Variants in LRP2 observed in about 807,000 individuals in gnomAD.
LRP2 encodes the protein LDL receptor related protein 2.
In LRP2, 172 loss-of-function variants were observed where a neutral mutation model predicts 531.0. The observed-to-expected ratio is 0.32, with a 90% CI of 0.29 to 0.37. The LOEUF is 0.37. LRP2 is among the 10% of genes least tolerant of loss of function. The probability of loss-of-function intolerance (pLI) is 1.00; values close to 1 mark genes in which losing one functional copy is unlikely to be tolerated. For missense variants in LRP2, 5,167 were observed against 5,868.3 expected (o/e 0.88, Z 3.90); for synonymous variants, 1,992 against 2,027.6 (o/e 0.98, Z 0.47).
chr2:169,170,216 A>G (rs940295083), intron 59 of LRP2, among the ~76,000 whole-genome samples: 4 of 152,198 alleles, frequency 2.6e-5, no homozygotes, highest in Non-Finnish European at 5.9e-5. Flanking sequence ...GCACATGCAT[A>G]TTCCTTAGGG....
chr2:169,351,408 A>G (rs1685844327), intron 1 of LRP2, among the ~76,000 whole-genome samples: 2 of 152,344 alleles, frequency 1.3e-5, no homozygotes, highest in East Asian at 1.9e-4. Flanking sequence ...TAAAAGAAAG[A>G]GGGGACAATT....
chr2:169,198,051 A>T (rs914189597), intron 45 of LRP2, among the ~76,000 whole-genome samples: 9 of 152,238 alleles, frequency 5.9e-5, no homozygotes, highest in African/African-American at 2.2e-4. Flanking sequence ...AATTGTTTGA[A>T]TGAACCAAAT....
At chr2:169,143,267 T>C (rs929017395) in intron 70 of LRP2, among the ~76,000 whole-genome samples, 1 of 152,198 alleles carries the variant, frequency 6.6e-6, no homozygotes, top group Non-Finnish European at 1.5e-5. Context: ...GAGACATTTC[T>C]TCTGGGTTTC....
intron 1 of LRP2, among the ~76,000 whole-genome samples, chr2:169,340,598 A>G (rs1685536421): frequency 6.6e-6 from 1 of 152,158 alleles, no homozygotes; most frequent in African/African-American, 2.4e-5. Flanking sequence ...CCTGGCATAG[A>G]GAAAGGATGG....
chr2:169,258,821 A>G (rs1690416694), intron 17 of LRP2, among the ~76,000 whole-genome samples: 2 of 152,118 alleles, frequency 1.3e-5, no homozygotes, highest in Admixed American at 1.3e-4. Flanking sequence ...GTTAGAAGAA[A>G]TGTTTTGGGT....
At chr2:169,180,946 C>T (rs1189831331) in intron 52 of LRP2, among the ~76,000 whole-genome samples, 3 of 152,078 alleles carry the variant, frequency 2.0e-5, no homozygotes, top group Non-Finnish European at 4.4e-5. Context: ...GATGTAAATG[C>T]CTTATCATAT....
chr2:169,174,774 T>A (rs549641653), intron 55 of LRP2, among the ~76,000 whole-genome samples: 1 of 150,810 alleles, frequency 6.6e-6, no homozygotes, highest in East Asian at 1.9e-4. Flanking sequence ...CCTCCCAAAC[T>A]GTTGGGATTA....
At chr2:169,207,768 T>C (rs1033311213) in intron 38 of LRP2, among the ~76,000 whole-genome samples, 1 of 152,238 alleles carries the variant, frequency 6.6e-6, no homozygotes, top group Non-Finnish European at 1.5e-5. Flanking sequence ...GGTGTTTTCA[T>C]CCCATGGACC....
In LRP2 at chr2:169,270,968, G is replaced by T; in HGVS notation, c.2256C>A (p.Asp752Glu). ...ACATATCTGAAAAAAAGATAGTGCTGTCCTGGGCGTCAAAATCAATCCCGA... is the reference window on the plus strand; with the variant it reads ...ACATATCTGAAAAAAAGATAGTGCTTTCCTGGGCGTCAAAATCAATCCCGA... ...FFVGIDFDAQ[D>E]STIFFSDMSK... Residue 752 changes from aspartate (D) to glutamate (E), a missense_variant, in exon 16 of 79, where the codon GAC becomes GAA. By Grantham distance (45) the Asp-to-Glu change is conservative. This residue lies in a region of LRP2 where 2,811 missense variants were observed against 3,058.0 expected (regional missense o/e 0.92). Coordinates refer to ENST00000649046, the MANE Select transcript of LRP2 (RefSeq NM_004525.3). The T allele has an allele frequency of 6.2e-7, 1 of 1,613,226 alleles. No individual in the cohort carries two copies. The highest frequency in any genetic ancestry group is 8.5e-7 in the Non-Finnish European group (1 of 1,179,618).
chr2:169,192,444 T>C (rs1273503490), intron 47 of LRP2, among the ~76,000 whole-genome samples: 2 of 133,492 alleles, frequency 1.5e-5, no homozygotes, highest in Non-Finnish European at 3.1e-5. Context: ...ACCATTTGTA[T>C]AGATGAGAAA....
rs141382889 is a variant in LRP2 at position 169,190,477 on chromosome 2, A to G, written c.9032+1355T>C. ...CTCCTTCTTCCTCAGGACCACCACA[A>G]TAAACACACAATCGTACACCACACT... On this transcript the variant is annotated intron_variant, in intron 48 of 78. Coordinates refer to ENST00000649046, the MANE Select transcript of LRP2 (RefSeq NM_004525.3). Among the ~76,000 whole-genome samples, 487 of 152,278 alleles carry G rather than the reference A, an allele frequency of 3.2e-3. 4 individuals are homozygous for G. The Middle Eastern group carries it at 0.048, about 15-fold the overall frequency.
chr2:169,198,732 C>G, intron 45 of LRP2, 54 bp downstream of exon 45: 18 of 1,602,880 alleles, frequency 1.1e-5, no homozygotes, highest in Non-Finnish European at 1.4e-5. Flanking sequence ...TTTGTATTAG[C>G]TCACAACATG....
chr2:169,260,048 C>T (rs2105413502), intron 16 of LRP2, among the ~76,000 whole-genome samples: 1 of 152,190 alleles, frequency 6.6e-6, no homozygotes, highest in African/African-American at 2.4e-5. Flanking sequence ...ACCAAGTATT[C>T]TACATGGATT....
chr2:169,130,554 G>T (rs868353144), intron 77 of LRP2, among the ~76,000 whole-genome samples: 21 of 152,258 alleles, frequency 1.4e-4, no homozygotes, highest in Middle Eastern at 3.4e-3. Context: ...CCAAAGAGCT[G>T]GGATTACAGG....
chr2:169,275,038 T>C lies in LRP2; in HGVS notation c.1973A>G (p.Tyr658Cys), dbSNP rs111360923. Reference protein sequence around the residue: ...VTVYHSLRQPYATNPCKDNNG... With the variant: ...VTVYHSLRQPCATNPCKDNNG... ...GTTACCACTGCTCTGAGGCTTACCA[T>C]AGGGCTGTCTGAGGGAATGGTAAAC... Residue 658 changes from tyrosine to cysteine, a missense_variant and splice_region_variant, in exon 14 of 79, where the codon TAT becomes TGT. Physicochemically the swap from Tyr to Cys is radical, Grantham distance 194. Around this residue, in one of 6 missense-constraint regions of LRP2, gnomAD observed 2,811 missense variants for 3,058.0 expected, o/e 0.92. Coordinates refer to ENST00000649046, the MANE Select transcript of LRP2 (RefSeq NM_004525.3). 816 of 1,613,420 alleles carry C rather than the reference T, an allele frequency of 5.1e-4. 4 individuals are homozygous for C. In the African/African-American group the frequency reaches 8.1e-3, roughly 16 times the overall value.
Position 169,146,745 on chromosome 2 carries a change from T to C in LRP2, c.12805A>G (p.Lys4269Glu). 1 of 1,610,990 alleles carries C rather than the reference T, an allele frequency of 6.2e-7. No homozygotes were observed. The highest frequency in any genetic ancestry group is 8.5e-7 in the Non-Finnish European group (1 of 1,177,132). The change falls in exon 69 of 79, where the codon AAG becomes GAG. Residue 4269 changes from lysine (K) to glutamate (E), a missense_variant. This residue lies in a region of LRP2 where 564 missense variants were observed against 747.7 expected (regional missense o/e 0.75). Coordinates refer to ENST00000649046, the MANE Select transcript of LRP2 (RefSeq NM_004525.3). ...YDGTDRRVIA[K>E]EAMNPYSLDI... ...TTTCTAACTAATTTCTAACCTTCCT[T>C]TGCAATGACTCTCCTATCAGTCCCA...
At chr2:169,140,333 T>C (rs749662520) in intron 72 of LRP2, 122 bp downstream of exon 72, 7 of 788,782 alleles carry the variant, frequency 8.9e-6, no homozygotes, top group Non-Finnish European at 1.5e-5. Context: ...GGCAAGCTGG[T>C]TAAAATGTAA....
chr2:169,248,531 A>T (rs1411181736), intron 19 of LRP2, among the ~76,000 whole-genome samples: 2 of 152,258 alleles, frequency 1.3e-5, no homozygotes, highest in African/African-American at 4.8e-5. Context: ...AATCAAGAAG[A>T]TCTAGCCCTT....
rs775694684 is a variant in LRP2 at position 169,220,447 on chromosome 2, T to G, written c.5648+7A>C. ...ATGGAAGACACGTGCCATTTATGAATACTCACCCACGAGCAGGATCAACAG... is the reference window on the plus strand; with the variant it reads ...ATGGAAGACACGTGCCATTTATGAAGACTCACCCACGAGCAGGATCAACAG... On this transcript the variant is annotated splice_region_variant and intron_variant, in intron 34 of 78. Coordinates refer to ENST00000649046, the MANE Select transcript of LRP2 (RefSeq NM_004525.3). The G allele has an allele frequency of 6.2e-5, 99 of 1,604,418 alleles. No individual in the cohort carries two copies. The highest frequency in any genetic ancestry group is 1.6e-4 in the Middle Eastern group (1 of 6,062).
Sources: allele counts gnomAD v4.1 joint callset (sites outside exome capture counted in the v4.1 genomes callset), GRCh38; gene constraint gnomAD v4.1.1; regional missense constraint gnomAD v4.1.1; transcripts MANE v1.5; gene names NCBI Gene and HGNC (gene_info 2026-07-23, HGNC 2026-07-21).